Variants in NTM observed in about 807,000 individuals in gnomAD.
The protein encoded by NTM is neurotrimin, also known as IgLON family member 2.
NTM carries 13 observed loss-of-function variants against 42.1 expected under a neutral mutation model. The ratio of observed to expected loss-of-function variants is 0.31; its 90% CI spans 0.20 to 0.49. NTM has a LOEUF of 0.49. NTM is among the 20% of genes least tolerant of loss of function. The pLI is 0.99. For synonymous variants in NTM, 187 were observed against 179.2 expected (o/e 1.04, Z -0.35); for missense variants, 373 against 452.8 (o/e 0.82, Z 1.60).
chr11:131,981,201 C>T (rs1475709400), intron 2 of NTM: 3 of 152,168 alleles, frequency 2.0e-5, no homozygotes, highest in African/African-American at 7.2e-5. Flanking sequence ...GGGAATGCTC[C>T]GCTTTGTGTT....
At chr11:132,213,727 A>AT (rs2083293201) in intron 4 of NTM, among the ~76,000 whole-genome samples, 3 of 90,008 alleles carry the variant, frequency 3.3e-5, no homozygotes, top group Admixed American at 2.4e-4. Flanking sequence ...CTGGGCCACC[A>AT]TTCTTTTTTT....
chr11:132,278,541 G>A (rs1174691181), intron 4 of NTM, among the ~76,000 whole-genome samples: 1 of 152,046 alleles, frequency 6.6e-6, no homozygotes, highest in Non-Finnish European at 1.5e-5. Flanking sequence ...CTACATTGCA[G>A]CCCCACCCAG....
At chr11:131,796,782 G>A (rs1380128866) in intron 1 of NTM, among the ~76,000 whole-genome samples, 2 of 152,160 alleles carry the variant, frequency 1.3e-5, no homozygotes, top group South Asian at 2.1e-4. Context: ...CACAGTAACA[G>A]CAGTTCTCTG....
intron 2 of NTM, among the ~76,000 whole-genome samples, chr11:132,004,654 AAC>A (rs142814244): frequency 1.4e-4 from 19 of 135,924 alleles, no homozygotes; most frequent in Admixed American, 2.9e-4. Context: ...ACACACACAC[AAC>A]ACACACACAC....
In NTM at chr11:131,471,092, G is replaced by A. The variant is rs75263035; in HGVS notation, c.82+100204G>A. On this transcript the variant is annotated intron_variant, in intron 1 of 8. Coordinates refer to ENST00000683400, the MANE Select transcript of NTM (RefSeq NM_001352005.2). ...TCAGTGAATTCCTGAACAATCAAAT[G>A]CGATTGACCAAACTGAAGCTCACAG... Among the ~76,000 whole-genome samples, 936 of 152,240 alleles carry A rather than the reference G, an allele frequency of 6.1e-3. 4 individuals carry two copies. The highest frequency in any genetic ancestry group is 0.021 in the African/African-American group (864 of 41,544).
chr11:132,226,747 G>C (rs760516160), intron 4 of NTM, among the ~76,000 whole-genome samples: 1 of 152,108 alleles, frequency 6.6e-6, no homozygotes, highest in African/African-American at 2.4e-5. Context: ...GGACTGCAGT[G>C]GTAGGATTTG....
chr11:132,256,721 T>C (rs2092504443), intron 4 of NTM, among the ~76,000 whole-genome samples: 1 of 151,734 alleles, frequency 6.6e-6, no homozygotes, highest in African/African-American at 2.4e-5. Context: ...AAACGGCACA[T>C]GAGTGCATCT....
chr11:131,632,599 T>C (rs940296919), intron 1 of NTM, among the ~76,000 whole-genome samples: 5 of 150,674 alleles, frequency 3.3e-5, no homozygotes, highest in African/African-American at 1.2e-4. Context: ...TTATTTATTC[T>C]TTTCCCCCCT....
At chr11:132,330,053 C>T (rs1010510664) in intron 7 of NTM, 100 bp from the exon 8 acceptor site, 26 of 1,522,348 alleles carry the variant, frequency 1.7e-5, no homozygotes, top group Middle Eastern at 1.7e-4. Flanking sequence ...GACGCTGCTG[C>T]GCCAGGAGCG....
At chr11:132,299,771 C>A (rs2094773374) in intron 4 of NTM, among the ~76,000 whole-genome samples, 1 of 152,106 alleles carries the variant, frequency 6.6e-6, no homozygotes, top group African/African-American at 2.4e-5. Flanking sequence ...AGGTTTGAGC[C>A]CTTCAGAACT....
chr11:131,623,256 GC>G (rs1179628519), intron 1 of NTM, among the ~76,000 whole-genome samples: 48 of 152,194 alleles, frequency 3.2e-4, no homozygotes, highest in African/African-American at 1.1e-3. Flanking sequence ...CCTTCTCTGG[GC>G]CTGAGCCCCT....
intron 1 of NTM, chr11:131,877,690 T>G (rs2048737636): frequency 6.6e-6 from 1 of 152,266 alleles, no homozygotes; most frequent in Non-Finnish European, 1.5e-5. Context: ...AATGTCTGAT[T>G]TATTACTCAT....
chr11:131,509,988 G>A (rs2048020045), intron 1 of NTM, among the ~76,000 whole-genome samples: 1 of 152,182 alleles, frequency 6.6e-6, no homozygotes, highest in South Asian at 2.1e-4. Context: ...TGAAGGAGGT[G>A]ATCTCGGGGG....
chr11:131,681,549 G>T (rs1281887337), intron 1 of NTM, among the ~76,000 whole-genome samples: 3 of 40,818 alleles, frequency 7.3e-5, no homozygotes, highest in Non-Finnish European at 1.9e-4. Context: ...GTATGTGAGC[G>T]TGTGTATTTC....
chr11:131,749,839 A>C (rs1237103445), intron 1 of NTM, among the ~76,000 whole-genome samples: 3 of 152,190 alleles, frequency 2.0e-5, no homozygotes. Flanking sequence ...ACCTCAGGTG[A>C]TTTGCCCTCC....
intron 1 of NTM, among the ~76,000 whole-genome samples, chr11:131,716,919 C>T (rs1229886168): frequency 2.0e-5 from 3 of 152,184 alleles, no homozygotes; most frequent in African/African-American, 7.2e-5. Flanking sequence ...TAGCTCTCTG[C>T]AGCCTTTACC....
intron 3 of NTM, among the ~76,000 whole-genome samples, chr11:132,177,305 G>T (rs2076968362): frequency 6.6e-6 from 1 of 152,202 alleles, no homozygotes; most frequent in Non-Finnish European, 1.5e-5. Flanking sequence ...ACCACGGACA[G>T]AAACTCTTTT....
chr11:132,024,000 T>C (rs940619861), intron 2 of NTM, among the ~76,000 whole-genome samples: 1 of 151,970 alleles, frequency 6.6e-6, no homozygotes, highest in Non-Finnish European at 1.5e-5. Context: ...TTTGTATTTT[T>C]AGTAGAGATG....
intron 1 of NTM, among the ~76,000 whole-genome samples, chr11:131,511,939 G>A (rs570266270): frequency 1.2e-4 from 18 of 152,224 alleles, no homozygotes; most frequent in East Asian, 9.7e-4. Flanking sequence ...TGCAGGGCCC[G>A]GCCCCTATTC....
Sources: allele counts gnomAD v4.1 joint callset (sites outside exome capture counted in the v4.1 genomes callset), GRCh38; gene constraint gnomAD v4.1.1; transcripts MANE v1.5; gene names NCBI Gene and HGNC (gene_info 2026-07-23, HGNC 2026-07-21).